The following GFAP variants were observed in gnomAD, a reference collection of about 807,000 sequenced individuals.
GFAP encodes the protein intermediate filament protein.
Under a neutral mutation model 49.3 loss-of-function variants are expected in GFAP, and 38 were observed. The observed-to-expected ratio is 0.77, with a 90% CI of 0.60 to 1.01. GFAP has a LOEUF of 1.01. Ranked by LOEUF, GFAP falls within the 50% of genes least tolerant of loss-of-function variation. The pLI, the probability that GFAP is intolerant of heterozygous loss-of-function variation, is 0.00. For synonymous variants in GFAP, 222 were observed against 236.4 expected, an observed-to-expected ratio of 0.94 and a Z score of 0.56; for missense variants, 463 against 579.1, an observed-to-expected ratio of 0.80 and a Z score of 2.06.
intron 4 of GFAP, chr17:44,912,238 C>G (rs1277438617): frequency 6.0e-6 from 1 of 165,852 alleles, no homozygotes; most frequent in Non-Finnish European, 1.3e-5. Flanking sequence ...ATTCTCCTGC[C>G]CCAGCCACCT....
chr17:44,904,215 AG>A lies in GFAP; in HGVS notation c.*3131del, dbSNP rs1188905290. On this transcript the variant is annotated 3_prime_UTR_variant, in exon 9 of 9. Coordinates refer to ENST00000588735, the MANE Select transcript of GFAP (RefSeq NM_002055.5). ...GGCCTGTACTTCTGCGGCACCCGCA[AG>A]GGGGACTACTTTTACGCCTACGATG... The A allele has an allele frequency of 6.4e-7, 1 of 1,550,570 alleles. No individual in the cohort carries two copies. The highest frequency in any genetic ancestry group is 2.4e-5 in the East Asian group (1 of 40,922).
At position 44,903,413 on chromosome 17, in the gene GFAP, C is replaced by T. The variant is rs2051595448; in HGVS notation, c.*3934G>A. 1 of 1,250,970 alleles carries T rather than the reference C, an allele frequency of 8.0e-7. No homozygotes were observed. Among genetic ancestry groups the T allele is most frequent in the Non-Finnish European group, 1.0e-6 (1 of 999,240 alleles). 77.5% of individuals were successfully genotyped at this position (1,250,970 alleles called of 1,614,324 possible). A position where few individuals can be genotyped will look rare whatever the true frequency, so the allele number is the denominator to read the frequency against. ...GATATGCAGGAGGGTGGGTTTCCTT[C>T]ATCCCCCAGGTTGATGAAAGACTTT... On this transcript the variant is annotated 3_prime_UTR_variant, in exon 9 of 9. Coordinates refer to ENST00000588735, the MANE Select transcript of GFAP (RefSeq NM_002055.5).
rs1597849445 is a variant in GFAP, at chr17:44,904,617, T to C, written c.*2730A>G. 4 of 1,550,540 alleles carry C rather than the reference T, an allele frequency of 2.6e-6. No individual in the cohort carries two copies. The East Asian group carries it at 7.3e-5, about 28-fold the overall frequency. On this transcript the variant is annotated 3_prime_UTR_variant, in exon 9 of 9. Coordinates refer to ENST00000588735, the MANE Select transcript of GFAP (RefSeq NM_002055.5). ...GCCATCATTAACTATGTGTCCAAAG[T>C]GGGCAGCCGGCCCTGGGTGCCCCAG...
At chr17:44,909,123 GA>G (rs1257171004) in intron 7 of GFAP, 1 of 151,952 alleles carries the variant, frequency 6.6e-6, no homozygotes, top group African/African-American at 2.4e-5. Context: ...AAGAAGGAAG[GA>G]AGGAAGAAAA....
At position 44,907,256 on chromosome 17, in the gene GFAP, G is replaced by A; in HGVS notation, c.*91C>T. 8.1e-7 allele frequency: 1 copy of A among 1,234,192 alleles called. No homozygotes were observed. The highest frequency in any genetic ancestry group is 1.2e-6 in the Non-Finnish European group (1 of 835,590). The allele number at this position is 1,234,192 out of a possible 1,614,324, so 76.5% of individuals were successfully genotyped here. A position where few individuals can be genotyped will look rare whatever the true frequency, so the allele number is the denominator to read the frequency against. ...CTGGGGTGGTGGGGAGCTCAGGTCT[G>A]GGGAAATGTGCCAGCAGAGGCGGAG... On this transcript the variant is annotated 3_prime_UTR_variant, in exon 9 of 9. Transcript: ENST00000588735.
At chr17:44,909,140 AAGG>A (rs2051703904) in intron 7 of GFAP, 1 of 152,410 alleles carries the variant, frequency 6.6e-6, no homozygotes, top group South Asian at 2.1e-4. Flanking sequence ...GAAAAGAAGG[AAGG>A]AAGGAAGGAA....
At chr17:44,909,194 C>T (rs1398015057) in intron 7 of GFAP, 1 of 152,254 alleles carries the variant, frequency 6.6e-6, no homozygotes, top group East Asian at 1.9e-4. Context: ...AACTTAGCCA[C>T]CAACCAGCCA....
intron 1 of GFAP, 199 bp downstream of exon 1, chr17:44,914,827 G>A: frequency 6.6e-6 from 3 of 457,224 alleles, no homozygotes; most frequent in South Asian, 2.8e-5. Context: ...GAAGGCATGC[G>A]GGCATCAGAT....
Position 44,905,602 on chromosome 17 carries a change from T to G in GFAP, c.*1745A>C, listed in dbSNP as rs191815195. The G allele has an allele frequency of 4.4e-5, 7 of 157,750 alleles. No homozygotes were observed. The highest frequency in any genetic ancestry group is 1.7e-4 in the African/African-American group (7 of 41,594). The allele number at this position is 157,750 out of a possible 1,614,324, so 9.8% of individuals were successfully genotyped here. ...ACATCTTGGCCCCAGTCCCGCCCTC[T>G]CATGAACAGATCAGAGTCCACTCTG... On this transcript the variant is annotated 3_prime_UTR_variant, in exon 9 of 9. Coordinates refer to ENST00000588735, the MANE Select transcript of GFAP (RefSeq NM_002055.5).
At chr17:44,913,059 A>G in intron 4 of GFAP, 1 of 622,932 alleles carries the variant, frequency 1.6e-6, no homozygotes, top group African/African-American at 1.8e-5. Flanking sequence ...GCTACTACTA[A>G]TAATAGCAAT....
At position 44,905,684 on chromosome 17, in the gene GFAP, G is replaced by T. The variant is rs776994532; in HGVS notation, c.*1663C>A. ...CTCAGCGACTAAAGGCAGCAGCAGT[G>T]CCCTGAAGATTAGCAGCAGCAGCAG... On this transcript the variant is annotated 3_prime_UTR_variant, in exon 9 of 9. Coordinates refer to ENST00000588735, the MANE Select transcript of GFAP (RefSeq NM_002055.5). 1 of 156,852 alleles carries T rather than the reference G, an allele frequency of 6.4e-6. No homozygotes were observed. The highest frequency in any genetic ancestry group is 1.4e-5 in the Non-Finnish European group (1 of 71,476). 9.7% of individuals were successfully genotyped at this position (156,852 alleles called of 1,614,324 possible). A position where few individuals can be genotyped will look rare whatever the true frequency, so the allele number is the denominator to read the frequency against.
chr17:44,903,612 G>A lies in GFAP; in HGVS notation c.*3735C>T, dbSNP rs886053016. On this transcript the variant is annotated 3_prime_UTR_variant, in exon 9 of 9. Coordinates refer to ENST00000588735, the MANE Select transcript of GFAP (RefSeq NM_002055.5). ...TAGAATGGCTTTCCCCCCCCACCCT[G>A]AGATCAGGTCTGGAATGTTAGAAGG... 3.6e-6 allele frequency: 5 copies of A among 1,404,982 alleles called. No homozygotes were observed. The African/African-American group carries it at 4.3e-5, about 12-fold the overall frequency. The allele number at this position is 1,404,982 out of a possible 1,614,324, so 87.0% of individuals were successfully genotyped here.
chr17:44,904,921 C>G lies in GFAP; in HGVS notation c.*2426G>C. On this transcript the variant is annotated 3_prime_UTR_variant, in exon 9 of 9. Coordinates refer to ENST00000588735, the MANE Select transcript of GFAP (RefSeq NM_002055.5). ...GGCTGGGTGTGACATCTCATGGGCA[C>G]TACCCAGCCTCGTTCTCAGATCCTG... The G allele has an allele frequency of 6.4e-7, 1 of 1,550,628 alleles. No homozygotes were observed. Among genetic ancestry groups the G allele is most frequent in the Non-Finnish European group, 8.7e-7 (1 of 1,147,000 alleles).
At position 44,909,823 on chromosome 17, in the gene GFAP, C is replaced by A. The variant is rs551327378; in HGVS notation, c.1171+792G>T. 4.4e-4 allele frequency: 530 copies of A among 1,203,318 alleles called. 2 individuals carry two copies. Among genetic ancestry groups the A allele is most frequent in the Non-Finnish European group, 5.0e-4 (479 of 962,794 alleles). 74.5% of individuals were successfully genotyped at this position (1,203,318 alleles called of 1,614,324 possible). ...CAGAGAGCCTGGCGTCCAGGCACAG[C>A]GAGACCCAAGGGGCCCTCCCAGTGA... On this transcript the variant is annotated intron_variant, in intron 7 of 8. Transcript: ENST00000588735.
At position 44,915,212 on chromosome 17, in the gene GFAP, T is replaced by C. The variant is rs1482181699; in HGVS notation, c.275A>G (p.Gln92Arg). The C allele has an allele frequency of 6.2e-7, 1 of 1,614,246 alleles. No individual in the cohort carries two copies. Among genetic ancestry groups the C allele is most frequent in the East Asian group, 2.2e-5 (1 of 44,882 alleles). ...SYIEKVRFLE[Q>R]QNKALAAELN... is the part of the protein sequence containing the mutation. The stretch of plus-strand genomic sequence containing the variant: ...CTCAGCAGCCAGCGCCTTGTTTTGC[T>C]GTTCCAGGAAGCGAACCTTCTCGAT... The change falls in exon 1 of 9, where the codon CAG becomes CGG. Residue 92 changes from glutamine (Q) to arginine (R), a missense_variant. Around this residue, in one of 3 missense-constraint regions of GFAP, gnomAD observed 362 missense variants for 445.5 expected, o/e 0.81. Transcript: ENST00000588735. The surrounding 1 kb of genome is among the most constrained non-coding windows in gnomAD (Gnocchi z 4.1).
chr17:44,906,016 A>G lies in GFAP; in HGVS notation c.*1331T>C, dbSNP rs1449157204. The G allele has an allele frequency of 6.6e-6, 1 of 152,226 alleles. No individual in the cohort carries two copies. Among genetic ancestry groups the G allele is most frequent in the Non-Finnish European group, 1.5e-5 (1 of 68,054 alleles). 9.4% of individuals were successfully genotyped at this position (152,226 alleles called of 1,614,324 possible). A position where few individuals can be genotyped will look rare whatever the true frequency, so the allele number is the denominator to read the frequency against. On this transcript the variant is annotated 3_prime_UTR_variant, in exon 9 of 9. Coordinates refer to ENST00000588735, the MANE Select transcript of GFAP (RefSeq NM_002055.5). Reference sequence around the variant, plus strand: ...GGGCACTACCTAGAATACTGGGTACATTTTGTGTGTGAGTAAGAAGGGACC... The same window carrying G: ...GGGCACTACCTAGAATACTGGGTACGTTTTGTGTGTGAGTAAGAAGGGACC...
intron 4 of GFAP, 90 bp from the exon 5 acceptor site, chr17:44,911,887 A>G (rs1403876712): frequency 2.8e-6 from 4 of 1,452,146 alleles, no homozygotes; most frequent in Non-Finnish European, 9.4e-7. Context: ...ACCCCAGTTA[A>G]CCCCAGGACG....
In GFAP at chr17:44,908,147, T is replaced by G. The variant is rs1244720897; in HGVS notation, c.1174A>C (p.Thr392Pro). The G allele has an allele frequency of 6.2e-7, 1 of 1,607,078 alleles. No individual in the cohort carries two copies. Among genetic ancestry groups the G allele is most frequent in the Non-Finnish European group, 8.5e-7 (1 of 1,173,856 alleles). Reference protein sequence around the residue: ...QTFSNLQIRETSLDTKSVSEG... With the variant: ...QTFSNLQIREPSLDTKSVSEG... ...GACACAGACTTGGTGTCCAGGCTGG[T>G]TTCTGCAGATGTGGGGAGAGGAGGC... Residue 392 changes from threonine to proline, a missense_variant and splice_region_variant, in exon 8 of 9, where the codon ACC becomes CCC. Coordinates refer to ENST00000588735, the MANE Select transcript of GFAP (RefSeq NM_002055.5).
Position 44,903,202 on chromosome 17 carries a change from C to T in GFAP, c.*4145G>A. The T allele has an allele frequency of 7.9e-7, 1 of 1,264,242 alleles. No individual in the cohort carries two copies. The highest frequency in any genetic ancestry group is 1.5e-5 in the African/African-American group (1 of 65,770). 78.3% of individuals were successfully genotyped at this position (1,264,242 alleles called of 1,614,324 possible). ...ATCTTTATGGTAAACAAACACTGAT[C>T]TCCACAGCTCTTAACAAGAATGTTT... On this transcript the variant is annotated 3_prime_UTR_variant, in exon 9 of 9. Transcript: ENST00000588735.
Sources: allele counts gnomAD v4.1 joint callset, GRCh38; gene constraint gnomAD v4.1.1; regional missense constraint gnomAD v4.1.1; non-coding constraint Gnocchi (gnomAD v3.1); transcripts MANE v1.5; gene names NCBI Gene and HGNC (gene_info 2026-07-23, HGNC 2026-07-21).